The following AIF1L variants were observed in gnomAD, a reference collection of about 807,000 sequenced individuals.
AIF1L encodes allograft inflammatory factor 1-like.
A neutral mutation model predicts 20.7 loss-of-function variants in AIF1L; 12 were observed. The ratio of observed to expected loss-of-function variants is 0.58; its 90% CI spans 0.37 to 0.94. The LOEUF is 0.94. Ranked by LOEUF, AIF1L falls within the 40% of genes least tolerant of loss-of-function variation. The pLI is 0.01. For synonymous variants in AIF1L, 76 were observed against 65.1 expected (o/e 1.17, Z -0.81); for missense variants, 173 against 185.3 (o/e 0.93, Z 0.39).
At chr9:131,106,660 G>A (rs750383164) in intron 2 of AIF1L, among the ~76,000 whole-genome samples, 2 of 152,130 alleles carry the variant, frequency 1.3e-5, no homozygotes, top group South Asian at 2.1e-4. Context: ...GCATACACCC[G>A]TAGTTCTAGC....
Position 131,117,860 on chromosome 9 carries a change from A to G in AIF1L, c.307A>G (p.Ile103Val), listed in dbSNP as rs1436275117. Residue 103 changes from isoleucine to valine, a missense_variant, in exon 5 of 6, where the codon ATA becomes GTA. Physicochemically the swap from Ile to Val is conservative, Grantham distance 29. Transcript: ENST00000247291. ...SEVTGGVSDT[I>V]SYRDFVNMML... ...GGTGACAGGAGGGGTCAGTGACACT[A>G]TATCCTACCGAGACTTTGTGAACAT... 6.2e-7 allele frequency: 1 copy of G among 1,614,112 alleles called. No homozygotes were observed. Among genetic ancestry groups the G allele is most frequent in the South Asian group, 1.1e-5 (1 of 91,070 alleles).
intron 4 of AIF1L, among the ~76,000 whole-genome samples, chr9:131,117,288 C>G (rs1057077768): frequency 6.6e-6 from 1 of 152,194 alleles, no homozygotes; most frequent in African/African-American, 2.4e-5. Context: ...CAATGCCTGA[C>G]TTCCTGACCC....
At chr9:131,100,332 A>G (rs1190436028) in intron 2 of AIF1L, among the ~76,000 whole-genome samples, 1 of 152,136 alleles carries the variant, frequency 6.6e-6, no homozygotes, top group African/African-American at 2.4e-5. Context: ...GTTTCACTTT[A>G]GTTTTTGCTG....
rs117682807 is a variant in AIF1L at position 131,112,250 on chromosome 9, G to A, written c.160+587G>A. On this transcript the variant is annotated intron_variant, in intron 3 of 5. Coordinates refer to ENST00000247291, the MANE Select transcript of AIF1L (RefSeq NM_031426.4). ...CCAGCACCTCGAAAGGAGAGGAGCCGGGCACATAGGGGGCAGCGCAGACCC... is the reference window on the plus strand; with the variant it reads ...CCAGCACCTCGAAAGGAGAGGAGCCAGGCACATAGGGGGCAGCGCAGACCC... 1,214 of 154,908 alleles carry A rather than the reference G, an allele frequency of 7.8e-3. 6 individuals are homozygous for A. The highest frequency in any genetic ancestry group is 0.016 in the Admixed American group (260 of 15,944). The allele number at this position is 154,908 out of a possible 1,614,324, so 9.6% of individuals were successfully genotyped here. A position where few individuals can be genotyped will look rare whatever the true frequency, so the allele number is the denominator to read the frequency against.
intron 4 of AIF1L, among the ~76,000 whole-genome samples, chr9:131,117,035 A>G: frequency 6.6e-6 from 1 of 151,888 alleles, no homozygotes; most frequent in East Asian, 1.9e-4. Context: ...GAACAATCCA[A>G]AGGAAATTGC....
At chr9:131,116,374 C>T (rs1831013322) in intron 4 of AIF1L, among the ~76,000 whole-genome samples, 1 of 152,100 alleles carries the variant, frequency 6.6e-6, no homozygotes, top group Non-Finnish European at 1.5e-5. Flanking sequence ...AGCGGTTCTC[C>T]TGCCTCAGCC....
At chr9:131,096,709 G>A in intron 1 of AIF1L, 49 bp downstream of exon 1, 1 of 1,448,626 alleles carries the variant, frequency 6.9e-7, no homozygotes. Context: ...CGGGCGGACC[G>A]CGGGGTCCAC....
chr9:131,096,592 C>A lies in AIF1L; in HGVS notation c.-38C>A. 1 of 1,484,454 alleles carries A rather than the reference C, an allele frequency of 6.7e-7. No homozygotes were observed. Among genetic ancestry groups the A allele is most frequent in the South Asian group, 1.3e-5 (1 of 78,754 alleles). 92.0% of individuals were successfully genotyped at this position (1,484,454 alleles called of 1,614,324 possible). A position where few individuals can be genotyped will look rare whatever the true frequency, so the allele number is the denominator to read the frequency against. On this transcript the variant is annotated 5_prime_UTR_variant, in exon 1 of 6. Coordinates refer to ENST00000247291, the MANE Select transcript of AIF1L (RefSeq NM_031426.4). Reference sequence around the variant, plus strand: ...GCCTCCTCCTCGTCCCTCGCCGCGTCCGCGAAGCCTGGAGCCGGCGGGAGC... The same window carrying A: ...GCCTCCTCCTCGTCCCTCGCCGCGTACGCGAAGCCTGGAGCCGGCGGGAGC...
intron 2 of AIF1L, among the ~76,000 whole-genome samples, chr9:131,110,024 A>G (rs1180091434): frequency 3.9e-5 from 6 of 152,174 alleles, no homozygotes; most frequent in African/African-American, 1.4e-4. Flanking sequence ...AGCCTGGGCA[A>G]CAGAGTGAAA....
chr9:131,118,752 G>A (rs1323978064), intron 5 of AIF1L, among the ~76,000 whole-genome samples: 1 of 151,804 alleles, frequency 6.6e-6, no homozygotes, highest in Non-Finnish European at 1.5e-5. Flanking sequence ...TCGCCATGTT[G>A]GCCAGGTTGG....
intron 3 of AIF1L, 198 bp downstream of exon 3, chr9:131,111,861 CCTGCGG>C (rs11276693): frequency 0.78 from 464,477 of 595,674 alleles, 183,994 homozygotes; most frequent in Middle Eastern, 0.84. Flanking sequence ...CCTCCCTGCC[CCTGCGG>C]GCCCCGTCAC....
In AIF1L at chr9:131,111,585, T is replaced by C. The variant is rs777982111; in HGVS notation, c.94-12T>C. On this transcript the variant is annotated splice_polypyrimidine_tract_variant and intron_variant, in intron 2 of 5. Transcript: ENST00000247291. ...CAGTCCCTTGCTCAGCACTGTCCTC[T>C]CACCTCTGTAGGAGTTTCTGTGTGA... is the stretch of plus-strand genomic sequence containing the variant. 8.1e-6 allele frequency: 13 copies of C among 1,613,048 alleles called. No homozygotes were observed. The highest frequency in any genetic ancestry group is 1.7e-4 in the Middle Eastern group (1 of 6,056).
intron 2 of AIF1L, 136 bp from the exon 3 acceptor site, chr9:131,111,461 G>A (rs353527): frequency 0.78 from 597,058 of 760,754 alleles, 237,656 homozygotes; most frequent in Middle Eastern, 0.85. Context: ...ACAGGAAGCC[G>A]GGGTGAACAA....
intron 2 of AIF1L, among the ~76,000 whole-genome samples, chr9:131,099,871 C>T (rs1436942555): frequency 1.3e-5 from 2 of 151,852 alleles, no homozygotes; most frequent in African/African-American, 4.8e-5. Flanking sequence ...GGACTACAGG[C>T]GCTTGCCACC....
In AIF1L at chr9:131,114,604, A is replaced by G. The variant is rs997857246; in HGVS notation, c.188A>G (p.Asn63Ser). 7 of 1,614,142 alleles carry G rather than the reference A, an allele frequency of 4.3e-6. No individual in the cohort carries two copies. The highest frequency in any genetic ancestry group is 2.2e-5 in the East Asian group (1 of 44,884). Residue 63 changes from asparagine (N) to serine (S), a missense_variant, in exon 4 of 6, where the codon AAT becomes AGT. Transcript: ENST00000247291. ...AAGTACATGGAGTTTGACCTGAACA[A>G]TGAAGGCGAGATTGGTGAGTGAAGC... ...KEKYMEFDLN[N>S]EGEIDLMSLK...
rs766987529 is a variant in AIF1L, at chr9:131,117,933, C to G, written c.365+15C>G. 1 of 1,599,674 alleles carries G rather than the reference C, an allele frequency of 6.3e-7. No homozygotes were observed. Among genetic ancestry groups the G allele is most frequent in the Non-Finnish European group, 8.5e-7 (1 of 1,172,402 alleles). On this transcript the variant is annotated intron_variant, in intron 5 of 5. Transcript: ENST00000247291. ...GTCCTCAAGTTGTGAGTACCTCCTTCCTCCCTTGGGATCTCTGAAGGCAAA... is the reference window on the plus strand; with the variant it reads ...GTCCTCAAGTTGTGAGTACCTCCTTGCTCCCTTGGGATCTCTGAAGGCAAA...
At chr9:131,113,044 C>T (rs1398523849) in intron 3 of AIF1L, among the ~76,000 whole-genome samples, 1 of 152,098 alleles carries the variant, frequency 6.6e-6, no homozygotes, top group Non-Finnish European at 1.5e-5. Flanking sequence ...AGCTCCCACC[C>T]GGGAGCCTGT....
chr9:131,111,959 G>A (rs1052327959), intron 3 of AIF1L: 2 of 438,312 alleles, frequency 4.6e-6, no homozygotes, highest in Non-Finnish European at 4.2e-6. Flanking sequence ...CCCGTCCGCC[G>A]CTGCCCAGGC....
chr9:131,114,685 C>G, intron 4 of AIF1L, 67 bp downstream of exon 4: 1 of 1,592,320 alleles, frequency 6.3e-7, no homozygotes, highest in Non-Finnish European at 8.6e-7. Flanking sequence ...GAGGGACCCT[C>G]TGTGCGGGTG....
Sources: gnomAD v4.1 joint callset for allele counts (sites outside exome capture counted in the v4.1 genomes callset) on GRCh38, gnomAD v4.1.1 for gene constraint, MANE v1.5 for transcripts, NCBI Gene and HGNC (gene_info 2026-07-23, HGNC 2026-07-21) for gene names.